The following CEP135 variants were observed in gnomAD, a reference collection of about 807,000 sequenced individuals.
CEP135 encodes centrosomal protein of 135 kDa.
Under a neutral mutation model 157.3 loss-of-function variants are expected in CEP135, and 142 were observed. The ratio of observed to expected loss-of-function variants is 0.90; its 90% CI spans 0.79 to 1.04. The LOEUF (loss-of-function observed/expected upper bound fraction) is 1.04. CEP135 is among the 50% of genes least tolerant of loss of function. CEP135 has a pLI of 0.00. For missense variants in CEP135, 1,317 were observed against 1,309.2 expected, an observed-to-expected ratio of 1.01 and a Z score of -0.09; for synonymous variants, 396 against 439.8, an observed-to-expected ratio of 0.90 and a Z score of 1.25.
chr4:55,994,681 A>G (rs2109706289), intron 15 of CEP135, among the ~76,000 whole-genome samples: 1 of 150,012 alleles, frequency 6.7e-6, no homozygotes, highest in South Asian at 2.1e-4. Context: ...TATATCAAGC[A>G]TAATCTTTTT....
At chr4:55,976,133 C>T (rs966232856) in intron 11 of CEP135, among the ~76,000 whole-genome samples, 10 of 151,500 alleles carry the variant, frequency 6.6e-5, no homozygotes, top group Non-Finnish European at 1.3e-4. Context: ...ATGCACCTCT[C>T]GTACCACCTA....
chr4:55,973,316 G>A (rs981719534), intron 10 of CEP135, among the ~76,000 whole-genome samples: 1 of 152,184 alleles, frequency 6.6e-6, no homozygotes, highest in Non-Finnish European at 1.5e-5. Flanking sequence ...CTTAGCGTTT[G>A]ATCTTCCATT....
rs189940469 is a variant in CEP135 at position 55,962,708 on chromosome 4, C to T, written c.700-1566C>T. On this transcript the variant is annotated intron_variant, in intron 6 of 25. Transcript: ENST00000257287. ...CTTCTTCCATGACTTCATTTTTTTC[C>T]AGTTTTCTTTTTTTTAAGCCTCTTT... Among the ~76,000 whole-genome samples the T allele has an allele frequency of 2.6e-3, 381 of 146,702 alleles. 5 individuals are homozygous for T. Among genetic ancestry groups the T allele is most frequent in the Middle Eastern group, 0.014 (4 of 282 alleles).
chr4:56,026,831 G>A (rs1468559770), intron 25 of CEP135, among the ~76,000 whole-genome samples: 1 of 152,224 alleles, frequency 6.6e-6, no homozygotes, highest in Non-Finnish European at 1.5e-5. Context: ...CCCAGGCTTT[G>A]ACAGGTAGTG....
At chr4:56,004,759 T>G (rs1730293090) in intron 17 of CEP135, among the ~76,000 whole-genome samples, 1 of 152,288 alleles carries the variant, frequency 6.6e-6, no homozygotes, top group South Asian at 2.1e-4. Context: ...AATATCTTTT[T>G]CCATCCATTC....
At position 56,008,424 on chromosome 4, in the gene CEP135, T is replaced by A. The variant is rs1366765558; in HGVS notation, c.2336+42T>A. 4 of 1,460,566 alleles carry A rather than the reference T, an allele frequency of 2.7e-6. No homozygotes were observed. The East Asian group carries it at 9.2e-5, about 33-fold the overall frequency. 90.5% of individuals were successfully genotyped at this position (1,460,566 alleles called of 1,614,324 possible). Reference sequence around the variant, plus strand: ...ATTACATCCAGCTTTTTAGGAGATTTTCAGTGAATACAGCTTTATCTATTC... The same window carrying A: ...ATTACATCCAGCTTTTTAGGAGATTATCAGTGAATACAGCTTTATCTATTC... On this transcript the variant is annotated intron_variant, in intron 18 of 25. Coordinates refer to ENST00000257287, the MANE Select transcript of CEP135 (RefSeq NM_025009.5).
intron 1 of CEP135, among the ~76,000 whole-genome samples, chr4:55,950,013 C>G (rs1053613534): frequency 4.6e-5 from 7 of 152,172 alleles, no homozygotes; most frequent in Non-Finnish European, 8.8e-5. Context: ...TTACACCCTG[C>G]TAGTAATACA....
chr4:56,020,821 G>A (rs1730950853), intron 24 of CEP135, 41 bp downstream of exon 24: 2 of 1,406,976 alleles, frequency 1.4e-6, no homozygotes, highest in Non-Finnish European at 2.0e-6. Context: ...GTTTTTATGT[G>A]TTCTCTATTG....
intron 17 of CEP135, among the ~76,000 whole-genome samples, chr4:56,002,386 C>T (rs2702330): frequency 0.54 from 82,526 of 151,730 alleles, 22,761 homozygotes; most frequent in African/African-American, 0.63. Context: ...GGTTAGGCCT[C>T]TGTTATTTTG....
chr4:55,992,460 T>G lies in CEP135; in HGVS notation c.2009+375T>G, dbSNP rs112958722. 4.7e-3 allele frequency among the ~76,000 whole-genome samples: 709 copies of G among 152,340 alleles called. 4 individuals are homozygous for G. The highest frequency in any genetic ancestry group is 0.014 in the African/African-American group (577 of 41,592). On this transcript the variant is annotated intron_variant, in intron 15 of 25. Transcript: ENST00000257287. ...TTGTTTACTACCTATGCCATTTTCT[T>G]TCTCTTTCTTGCCTCTTTCAGTGAA...
At chr4:56,010,181 C>T (rs1263031033) in intron 19 of CEP135, among the ~76,000 whole-genome samples, 2 of 131,584 alleles carry the variant, frequency 1.5e-5, no homozygotes, top group East Asian at 5.4e-4. Flanking sequence ...GAAAACCCCC[C>T]CCCCACCCCC....
intron 9 of CEP135, among the ~76,000 whole-genome samples, 158 bp downstream of exon 9, chr4:55,969,286 G>T (rs1728941605): frequency 6.6e-6 from 1 of 152,066 alleles, no homozygotes; most frequent in East Asian, 1.9e-4. Flanking sequence ...AATTAGCTGG[G>T]AGTGGTGGCG....
chr4:55,995,523 A>G (rs1237253430), intron 15 of CEP135, among the ~76,000 whole-genome samples: 6 of 152,208 alleles, frequency 3.9e-5, no homozygotes, highest in African/African-American at 1.4e-4. Flanking sequence ...CACCTGCTTA[A>G]CACTGCCCTT....
At chr4:56,023,602 A>T (rs1424961502) in intron 24 of CEP135, among the ~76,000 whole-genome samples, 1 of 146,992 alleles carries the variant, frequency 6.8e-6, no homozygotes, top group Non-Finnish European at 1.5e-5. Flanking sequence ...CACTATATAT[A>T]ATATGTATTA....
chr4:56,028,897 A>T (rs1731240945), intron 25 of CEP135, among the ~76,000 whole-genome samples: 1 of 152,150 alleles, frequency 6.6e-6, no homozygotes, highest in African/African-American at 2.4e-5. Flanking sequence ...GATCCCACAG[A>T]TCAAGAGCCC....
intron 24 of CEP135, among the ~76,000 whole-genome samples, chr4:56,021,331 T>C (rs1430601300): frequency 6.6e-6 from 1 of 152,160 alleles, no homozygotes; most frequent in Non-Finnish European, 1.5e-5. Flanking sequence ...ATCACATAAA[T>C]AGTAAGTGGT....
intron 17 of CEP135, among the ~76,000 whole-genome samples, chr4:56,001,365 T>A (rs147906152): frequency 6.6e-6 from 1 of 152,210 alleles, no homozygotes; most frequent in South Asian, 2.1e-4. Flanking sequence ...CCCAACATTT[T>A]CTTCTAGTAG....
chr4:55,971,285 C>T lies in CEP135; in HGVS notation c.1126C>T (p.Gln376Ter). 1.9e-6 allele frequency: 3 copies of T among 1,576,508 alleles called. No homozygotes were observed. Among genetic ancestry groups the T allele is most frequent in the Non-Finnish European group, 2.6e-6 (3 of 1,166,614 alleles). Reference protein sequence around the residue: ...AKLQLELNLCQKEKERLSDEL... With the variant: ...AKLQLELNLC ...AAATTTGCAGGAATTGAACTTATGC[C>T]AGAAAGAAAAGGAGAGACTGAGTGA... Residue 376 changes from glutamine to a stop codon, truncating the protein, a stop_gained, in exon 10 of 26, where the codon CAG becomes TAG. Transcript: ENST00000257287. LOFTEE classifies it high-confidence loss of function.
chr4:55,968,704 A>G (rs1728921100), intron 8 of CEP135, among the ~76,000 whole-genome samples: 1 of 152,152 alleles, frequency 6.6e-6, no homozygotes, highest in Non-Finnish European at 1.5e-5. Context: ...TCTCAGTTGC[A>G]GTATAGAGAG....
Sources: allele counts gnomAD v4.1 joint callset (sites outside exome capture counted in the v4.1 genomes callset), GRCh38; gene constraint gnomAD v4.1.1; transcripts MANE v1.5; gene names NCBI Gene and HGNC (gene_info 2026-07-23, HGNC 2026-07-21).